Variants in RGS7 observed in about 807,000 individuals in gnomAD.
RGS7 encodes regulator of G-protein signaling 7.
In RGS7, 27 loss-of-function variants were observed where a neutral mutation model predicts 81.1. That is an observed-to-expected ratio of 0.33 (90% CI 0.25 to 0.46). The LOEUF (loss-of-function observed/expected upper bound fraction) is 0.46, where lower values mean the gene tolerates loss of function less well. RGS7 is among the 20% of genes least tolerant of loss of function. The pLI is 1.00. For missense variants in RGS7, 396 were observed against 607.4 expected (o/e 0.65, Z 3.66); for synonymous variants, 208 against 207.7 (o/e 1.00, Z -0.01).
At chr1:241,306,148 A>ACT (rs1553314607) in intron 2 of RGS7, among the ~76,000 whole-genome samples, 8 of 142,878 alleles carry the variant, frequency 5.6e-5, no homozygotes, top group East Asian at 3.9e-4. Context: ...ACACACACAC[A>ACT]CTCACACACG....
At chr1:241,256,836 G>C (rs920267519) in intron 2 of RGS7, among the ~76,000 whole-genome samples, 4 of 151,648 alleles carry the variant, frequency 2.6e-5, no homozygotes, top group Non-Finnish European at 4.4e-5. Flanking sequence ...TGAGTTTTGG[G>C]GAGGCACAAA....
chr1:241,170,324 TATG>T (rs2070636779), intron 2 of RGS7, among the ~76,000 whole-genome samples: 1 of 152,186 alleles, frequency 6.6e-6, no homozygotes, highest in Non-Finnish European at 1.5e-5. Flanking sequence ...TTGTCAAATG[TATG>T]ATAACTCTTT....
intron 6 of RGS7, among the ~76,000 whole-genome samples, chr1:240,900,574 G>T (rs1389258998): frequency 6.6e-6 from 1 of 152,262 alleles, no homozygotes; most frequent in South Asian, 2.1e-4. Context: ...GACCCTGTTT[G>T]CCTGGGTATC....
chr1:240,812,001 G>C lies in RGS7; in HGVS notation c.999C>G (p.Gly333=). 1 of 1,614,042 alleles carries C rather than the reference G, an allele frequency of 6.2e-7. No homozygotes were observed. The highest frequency in any genetic ancestry group is 8.5e-7 in the Non-Finnish European group (1 of 1,179,958). The change falls in exon 14 of 19, where the codon GGC becomes GGG. Residue 333 remains glycine, a synonymous_variant. Transcript: ENST00000440928. ...CTGGGTCTTTCAATGCCTCGTCCAT[G>C]CCAAAACCCCATCGTTTTACCCTCT... The part of the protein sequence containing the change: ...SQQRVKRWGF[G]MDEALKDPVG...
intron 2 of RGS7, among the ~76,000 whole-genome samples, chr1:241,227,764 A>T (rs1351213206): frequency 2.6e-5 from 3 of 114,204 alleles, no homozygotes; most frequent in Non-Finnish European, 6.2e-5. Context: ...AGAAAAAAAG[A>T]AAAAGCCTTA....
rs758787872 is a variant in RGS7 at position 240,868,710 on chromosome 1, T to C, written c.528-42A>G. On this transcript the variant is annotated intron_variant, in intron 8 of 18. Coordinates refer to ENST00000440928, the MANE Select transcript of RGS7 (RefSeq NM_001364886.1). The surrounding 1 kb of genome is among the most constrained non-coding windows in gnomAD (Gnocchi z 5.1). ...AATAGATAACATTTAGTATTAATTGTAGTGCCTCTCTGAACAAAAAGGCCA... is the reference window on the plus strand; with the variant it reads ...AATAGATAACATTTAGTATTAATTGCAGTGCCTCTCTGAACAAAAAGGCCA... The C allele has an allele frequency of 1.6e-5, 26 of 1,611,114 alleles. No homozygotes were observed. In the Admixed American group the frequency reaches 2.8e-4, roughly 18 times the overall value.
intron 4 of RGS7, among the ~76,000 whole-genome samples, chr1:240,940,972 T>G (rs1677490349): frequency 6.6e-6 from 1 of 152,232 alleles, no homozygotes; most frequent in African/African-American, 2.4e-5. Context: ...ATGAGTGAAT[T>G]AGTAAAATTC....
intron 2 of RGS7, among the ~76,000 whole-genome samples, chr1:241,244,893 T>C (rs1309556325): frequency 1.0e-4 from 14 of 139,542 alleles, no homozygotes; most frequent in Non-Finnish European, 1.7e-4. Flanking sequence ...CACTCATAGG[T>C]GGGAATTGAA....
chr1:241,180,647 A>G (rs2071542246), intron 2 of RGS7, among the ~76,000 whole-genome samples: 1 of 152,162 alleles, frequency 6.6e-6, no homozygotes, highest in Non-Finnish European at 1.5e-5. Context: ...TATCCCTGTA[A>G]TTACTCTTCT....
At chr1:240,969,183 T>C (rs547893257) in intron 4 of RGS7, among the ~76,000 whole-genome samples, 1 of 152,302 alleles carries the variant, frequency 6.6e-6, no homozygotes, top group East Asian at 1.9e-4. Flanking sequence ...TTTTCGTCTA[T>C]TCTTCTTCCC....
intron 4 of RGS7, among the ~76,000 whole-genome samples, chr1:240,941,411 T>A (rs1223780832): frequency 6.6e-6 from 1 of 151,734 alleles, no homozygotes; most frequent in Non-Finnish European, 1.5e-5. Context: ...TGGGGTGAAT[T>A]TTTTGCTTCA....
rs1353763973 is a variant in RGS7, at chr1:241,033,654, C to A, written c.176-50525G>T. On this transcript the variant is annotated intron_variant, in intron 3 of 18. Transcript: ENST00000440928. ...TTCATTTAATATGTTATGGTGATAT[C>A]AGTTTACAGTTATCTTTTTATGTCT... is the stretch of plus-strand genomic sequence containing the variant. Among the ~76,000 whole-genome samples, 4 of 151,824 alleles carry A rather than the reference C, an allele frequency of 2.6e-5. No homozygotes were observed. In the East Asian group the frequency reaches 7.7e-4, roughly 29 times the overall value.
chr1:241,351,402 G>A (rs1273270571), intron 2 of RGS7, among the ~76,000 whole-genome samples: 1 of 142,826 alleles, frequency 7.0e-6, no homozygotes, highest in Non-Finnish European at 1.5e-5. Context: ...CTGGTCAACA[G>A]AGCAATACCC....
chr1:241,022,656 C>A (rs997332411), intron 3 of RGS7, among the ~76,000 whole-genome samples: 24 of 152,164 alleles, frequency 1.6e-4, no homozygotes, highest in African/African-American at 5.8e-4. Flanking sequence ...CTTTCTGACA[C>A]CCTACCCACC....
chr1:241,154,126 G>A (rs576213341), intron 2 of RGS7, among the ~76,000 whole-genome samples: 7 of 152,158 alleles, frequency 4.6e-5, no homozygotes, highest in Non-Finnish European at 8.8e-5. Flanking sequence ...AGTTAGACAG[G>A]AAGCAAGTAG....
intron 6 of RGS7, among the ~76,000 whole-genome samples, chr1:240,881,739 A>G (rs1012276597): frequency 1.3e-5 from 2 of 152,168 alleles, no homozygotes; most frequent in African/African-American, 4.8e-5. Context: ...AACAACTAGC[A>G]ATAATATTAT....
At chr1:240,918,864 C>T (rs1673025620) in intron 6 of RGS7, among the ~76,000 whole-genome samples, 1 of 151,460 alleles carries the variant, frequency 6.6e-6, no homozygotes, top group African/African-American at 2.4e-5. Flanking sequence ...AAGAAGACAC[C>T]AATTACTGGT....
At chr1:241,003,444 G>C (rs2058519865) in intron 3 of RGS7, among the ~76,000 whole-genome samples, 1 of 130,408 alleles carries the variant, frequency 7.7e-6, no homozygotes, top group African/African-American at 2.9e-5. Flanking sequence ...CTGGGTGACA[G>C]AGCGAGACTC....
At chr1:240,943,219 A>T (rs1677901866) in intron 4 of RGS7, among the ~76,000 whole-genome samples, 1 of 152,228 alleles carries the variant, frequency 6.6e-6, no homozygotes, top group Admixed American at 6.5e-5. Context: ...CCAAAAAAGG[A>T]GCAGAGTACA....
Sources: allele counts gnomAD v4.1 joint callset (sites outside exome capture counted in the v4.1 genomes callset), GRCh38; gene constraint gnomAD v4.1.1; non-coding constraint Gnocchi (gnomAD v3.1); transcripts MANE v1.5; gene names NCBI Gene and HGNC (gene_info 2026-07-23, HGNC 2026-07-21).